The following FOXP1 variants were observed in gnomAD, a reference collection of about 807,000 sequenced individuals.
FOXP1 encodes the protein forkhead box P1, also known as forkhead box protein P1.
In FOXP1, 15 loss-of-function variants were observed where a neutral mutation model predicts 98.2. The ratio of observed to expected loss-of-function variants is 0.15; its 90% CI spans 0.10 to 0.24. The LOEUF (loss-of-function observed/expected upper bound fraction) is 0.24. Ranked by LOEUF, FOXP1 falls within the 10% of genes least tolerant of loss-of-function variation. The probability of loss-of-function intolerance (pLI) is 1.00; values close to 1 mark genes in which losing one functional copy is unlikely to be tolerated. For missense variants in FOXP1, 633 were observed against 848.5 expected (o/e 0.75, Z 3.15); for synonymous variants, 371 against 314.5 (o/e 1.18, Z -1.90).
chr3:71,344,731 G>A (rs1445603281), intron 4 of FOXP1, among the ~76,000 whole-genome samples: 16 of 152,110 alleles, frequency 1.1e-4, no homozygotes, highest in Admixed American at 1.0e-3. Context: ...CCAGCTACTT[G>A]GGAGGCTGAG....
chr3:71,502,450 G>A (rs1234990431), intron 2 of FOXP1, among the ~76,000 whole-genome samples: 2 of 152,206 alleles, frequency 1.3e-5, no homozygotes, highest in African/African-American at 4.8e-5. Flanking sequence ...TTTACTTTGA[G>A]GGGAGAGCTT....
chr3:71,250,294 C>T (rs1473178263), intron 5 of FOXP1, among the ~76,000 whole-genome samples: 2 of 152,232 alleles, frequency 1.3e-5, no homozygotes, highest in East Asian at 3.8e-4. Flanking sequence ...TAGAGCATCA[C>T]TGCCCAACAG....
chr3:71,258,265 T>C (rs150316018), intron 5 of FOXP1, among the ~76,000 whole-genome samples: 1,724 of 152,134 alleles, frequency 0.011, 18 homozygotes, highest in Non-Finnish European at 0.016. Flanking sequence ...AAAGGCTTCA[T>C]AGAAGTCATA....
rs1297956967 is a variant in FOXP1, at chr3:71,581,718, G to C, written c.-446-21C>G. On this transcript the variant is annotated intron_variant, in intron 1 of 20. Coordinates refer to ENST00000649528, the MANE Select transcript of FOXP1 (RefSeq NM_001349338.3). ...GGGTTCTGCAGTCGACAAGAAACCG[G>C]GGCGACCCTCAGCAAGTCTTCCCCG... 10 of 985,672 alleles carry C rather than the reference G, an allele frequency of 1.0e-5. No individual in the cohort carries two copies. The African/African-American group carries it at 1.7e-4, about 17-fold the overall frequency. The allele number at this position is 985,672 out of a possible 1,614,324, so 61.1% of individuals were successfully genotyped here.
chr3:71,410,149 A>G (rs1234604649), intron 3 of FOXP1, among the ~76,000 whole-genome samples: 2 of 152,204 alleles, frequency 1.3e-5, no homozygotes, highest in African/African-American at 2.4e-5. Flanking sequence ...CAGAGTTTTC[A>G]GGAGGATGCA....
intron 2 of FOXP1, among the ~76,000 whole-genome samples, chr3:71,561,025 A>G (rs1425880363): frequency 4.6e-5 from 7 of 152,254 alleles, no homozygotes; most frequent in Non-Finnish European, 8.8e-5. Context: ...CTATGTGAAT[A>G]TACTAAAAAC....
rs190381144 is a variant in FOXP1 at position 71,170,200 on chromosome 3, A to G, written c.180+28002T>C. On this transcript the variant is annotated intron_variant, in intron 6 of 20. Transcript: ENST00000649528. ...CCATATGTCTGTGTTTCTCTTTCCT[A>G]TCCCTTTTGTCAAAACAAAAATCTT... Among the ~76,000 whole-genome samples, 7 of 152,302 alleles carry G rather than the reference A, an allele frequency of 4.6e-5. No individual in the cohort carries two copies. In the East Asian group the frequency reaches 1.3e-3, roughly 29 times the overall value.
chr3:71,372,084 C>T (rs1310411079), intron 3 of FOXP1, among the ~76,000 whole-genome samples: 1 of 151,698 alleles, frequency 6.6e-6, no homozygotes. Flanking sequence ...ACGATCTCAG[C>T]TCACTGCAAC....
At chr3:71,334,534 A>G (rs1164424722) in intron 4 of FOXP1, 1 of 152,240 alleles carries the variant, frequency 6.6e-6, no homozygotes, top group Non-Finnish European at 1.5e-5. Flanking sequence ...TACATATTGC[A>G]AAAGGACCCT....
chr3:71,368,275 G>A (rs1326611148), intron 3 of FOXP1, among the ~76,000 whole-genome samples: 2 of 151,998 alleles, frequency 1.3e-5, no homozygotes, highest in African/African-American at 4.8e-5. Flanking sequence ...ACAGGCGTGT[G>A]CCACGACACC....
chr3:71,400,434 G>A (rs2081880064), intron 3 of FOXP1, among the ~76,000 whole-genome samples: 1 of 151,956 alleles, frequency 6.6e-6, no homozygotes, highest in South Asian at 2.1e-4. Flanking sequence ...TCGGCTCACT[G>A]CAACCTCCAA....
intron 5 of FOXP1, among the ~76,000 whole-genome samples, chr3:71,243,348 C>T (rs1427012781): frequency 6.6e-6 from 1 of 152,178 alleles, no homozygotes; most frequent in Non-Finnish European, 1.5e-5. Context: ...AGTGCATGCA[C>T]AGAGATGATC....
Position 71,355,084 on chromosome 3 carries a change from T to C in FOXP1, c.-73+4066A>G, listed in dbSNP as rs149959994. Among the ~76,000 whole-genome samples the C allele has an allele frequency of 5.4e-3, 822 of 152,336 alleles. 8 individuals are homozygous for C. The highest frequency in any genetic ancestry group is 0.018 in the African/African-American group (763 of 41,562). ...AGAGTATGCAGTACATAGTGGGAAC[T>C]TTCCAGAGAAAACCCAAGGGCAGTA... On this transcript the variant is annotated intron_variant, in intron 4 of 20. Transcript: ENST00000649528.
At chr3:71,341,592 G>A (rs1028562293) in intron 4 of FOXP1, among the ~76,000 whole-genome samples, 1 of 152,132 alleles carries the variant, frequency 6.6e-6, no homozygotes, top group Non-Finnish European at 1.5e-5. Flanking sequence ...CCAGCTACTC[G>A]GGAGGCTGAA....
intron 2 of FOXP1, among the ~76,000 whole-genome samples, chr3:71,512,199 A>C (rs1383080818): frequency 6.6e-6 from 1 of 152,170 alleles, no homozygotes; most frequent in Non-Finnish European, 1.5e-5. Context: ...ACATTGTGCT[A>C]TATTGCCTCC....
chr3:71,290,950 G>A (rs1400244754), intron 5 of FOXP1, among the ~76,000 whole-genome samples: 3 of 152,148 alleles, frequency 2.0e-5, no homozygotes, highest in Admixed American at 6.5e-5. Context: ...ACACTGCTTC[G>A]GCCATACTGG....
intron 5 of FOXP1, among the ~76,000 whole-genome samples, chr3:71,251,891 C>A (rs146377885): frequency 3.3e-5 from 5 of 152,266 alleles, no homozygotes; most frequent in African/African-American, 1.2e-4. Flanking sequence ...CACACACTAC[C>A]GGATGGCAAC....
chr3:71,255,008 A>G (rs2068512272), intron 5 of FOXP1, among the ~76,000 whole-genome samples: 1 of 152,218 alleles, frequency 6.6e-6, no homozygotes, highest in African/African-American at 2.4e-5. Context: ...CAATGGGCCC[A>G]CTTAACGCCA....
intron 4 of FOXP1, among the ~76,000 whole-genome samples, chr3:71,308,322 A>G (rs1576896693): frequency 6.6e-6 from 1 of 152,342 alleles, no homozygotes; most frequent in Non-Finnish European, 1.5e-5. Context: ...TCTCGGCGGA[A>G]CAGATGATGA....
Sources: allele counts gnomAD v4.1 joint callset (sites outside exome capture counted in the v4.1 genomes callset), GRCh38; gene constraint gnomAD v4.1.1; transcripts MANE v1.5; gene names NCBI Gene and HGNC (gene_info 2026-07-23, HGNC 2026-07-21).